The following ITPKB variants were observed in gnomAD, a reference collection of about 807,000 sequenced individuals.
ITPKB encodes the protein IP3 3-kinase B.
A neutral mutation model predicts 69.4 loss-of-function variants in ITPKB; 13 were observed. The ratio of observed to expected loss-of-function variants is 0.19; its 90% CI spans 0.12 to 0.30. The LOEUF (loss-of-function observed/expected upper bound fraction) is 0.30. ITPKB is among the 10% of genes least tolerant of loss of function. The pLI is 1.00. For synonymous variants in ITPKB, 584 were observed against 513.7 expected (o/e 1.14, Z -1.85); for missense variants, 1,240 against 1,250.5 (o/e 0.99, Z 0.13).
chr1:226,648,489 C>A (rs4653762), intron 3 of ITPKB, among the ~76,000 whole-genome samples, 183 bp downstream of exon 3: 71,097 of 152,074 alleles, frequency 0.47, 16,993 homozygotes, highest in East Asian at 0.76. Flanking sequence ...CAGAGAGGTC[C>A]GTTGTCTATG....
chr1:226,711,428 AGAGAGAGAGAGAGAGT>A (rs941784015), intron 2 of ITPKB, among the ~76,000 whole-genome samples: 23 of 126,894 alleles, frequency 1.8e-4, no homozygotes, highest in African/African-American at 5.8e-4. Context: ...AGAGAGAGAG[AGAGAGAGAGAGAGAGT>A]GTGTGTGTGT....
At chr1:226,653,788 T>A (rs950440484) in intron 2 of ITPKB, among the ~76,000 whole-genome samples, 3 of 152,070 alleles carry the variant, frequency 2.0e-5, no homozygotes, top group Non-Finnish European at 4.4e-5. Context: ...AGGCATGAGG[T>A]CTTTCAGGTA....
chr1:226,738,920 C>T lies in ITPKB; in HGVS notation c.-206+121G>A, dbSNP rs1657906628. On this transcript the variant is annotated intron_variant, in intron 1 of 7. Transcript: ENST00000429204. The surrounding 1 kb of genome is among the most constrained non-coding windows in gnomAD (Gnocchi z 4.2). Reference sequence around the variant, plus strand: ...CAAAATCAAACCCCCTTCCCTGCCTCCCCAGCCCACCCCTTTGCCCTGTTT... The same window carrying T: ...CAAAATCAAACCCCCTTCCCTGCCTTCCCAGCCCACCCCTTTGCCCTGTTT... 6.6e-6 allele frequency: 1 copy of T among 152,386 alleles called. No homozygotes were observed. Among genetic ancestry groups the T allele is most frequent in the Non-Finnish European group, 1.5e-5 (1 of 68,146 alleles). 9.4% of individuals were successfully genotyped at this position (152,386 alleles called of 1,614,324 possible).
chr1:226,735,821 C>G lies in ITPKB; in HGVS notation c.1638G>C (p.Glu546Asp). 1 of 1,608,830 alleles carries G rather than the reference C, an allele frequency of 6.2e-7. No individual in the cohort carries two copies. The highest frequency in any genetic ancestry group is 8.5e-7 in the Non-Finnish European group (1 of 1,175,860). Residue 546 changes from glutamate (E) to aspartate (D), a missense_variant, in exon 2 of 8, where the codon GAG becomes GAC. Glu to Asp is a conservative substitution (Grantham distance 45). Transcript: ENST00000429204. ...GCTTGTCCGGATCTTGGGGTAGCAG[C>G]TCCGGACTTGGGAGGGCATCACTGT... ...RQDSDALPSPELLPQDPDKPF... is the reference protein window; with the variant it reads ...RQDSDALPSPDLLPQDPDKPF...
At chr1:226,718,849 A>T (rs1010557377) in intron 2 of ITPKB, among the ~76,000 whole-genome samples, 1 of 152,270 alleles carries the variant, frequency 6.6e-6, no homozygotes, top group African/African-American at 2.4e-5. Context: ...TGTACGACCC[A>T]GCAACTGCAC....
intron 2 of ITPKB, among the ~76,000 whole-genome samples, chr1:226,649,364 GTGTGCATGTGAT>G (rs910583397): frequency 5.7e-5 from 5 of 88,058 alleles, no homozygotes; most frequent in African/African-American, 1.5e-4. Context: ...ATATGTGCAT[GTGTGCATGTGAT>G]TGTGTGCATG....
At chr1:226,684,449 T>C (rs1656155832) in intron 2 of ITPKB, among the ~76,000 whole-genome samples, 1 of 152,220 alleles carries the variant, frequency 6.6e-6, no homozygotes, top group Non-Finnish European at 1.5e-5. Context: ...AGCCATTCTT[T>C]CAATGAGCAT....
chr1:226,696,334 T>C (rs1269731589), intron 2 of ITPKB, among the ~76,000 whole-genome samples: 1 of 152,138 alleles, frequency 6.6e-6, no homozygotes, highest in East Asian at 1.9e-4. Context: ...TGTGTGTGTG[T>C]GTGTGTATAT....
chr1:226,702,952 C>A (rs1002389616), intron 2 of ITPKB, among the ~76,000 whole-genome samples: 8 of 152,120 alleles, frequency 5.3e-5, no homozygotes, highest in African/African-American at 1.9e-4. Context: ...CTGACCCTAT[C>A]GAGGGAAAAT....
chr1:226,723,064 G>A (rs1657293480), intron 2 of ITPKB, among the ~76,000 whole-genome samples: 1 of 152,116 alleles, frequency 6.6e-6, no homozygotes, highest in African/African-American at 2.4e-5. Flanking sequence ...GCCAGTCCGT[G>A]CTGCTCAGAT....
chr1:226,703,771 C>G (rs1261454759), intron 2 of ITPKB, among the ~76,000 whole-genome samples: 1 of 152,350 alleles, frequency 6.6e-6, no homozygotes, highest in African/African-American at 2.4e-5. Flanking sequence ...AAAAGAATCT[C>G]AGCGCTGCTG....
At chr1:226,711,401 TTGAA>T (rs1438751501) in intron 2 of ITPKB, among the ~76,000 whole-genome samples, 1 of 135,904 alleles carries the variant, frequency 7.4e-6, no homozygotes, top group Non-Finnish European at 1.6e-5. Flanking sequence ...AGAGGGTGTT[TTGAA>T]AGAGAGAGAG....
At chr1:226,684,203 G>C (rs1437656879) in intron 2 of ITPKB, among the ~76,000 whole-genome samples, 1 of 152,218 alleles carries the variant, frequency 6.6e-6, no homozygotes, top group African/African-American at 2.4e-5. Context: ...AATGGCACCA[G>C]TCCAGGTGTT....
intron 2 of ITPKB, among the ~76,000 whole-genome samples, chr1:226,655,866 G>T (rs115939432): frequency 9.5e-4 from 144 of 152,294 alleles, no homozygotes; most frequent in African/African-American, 3.4e-3. Flanking sequence ...TATGTCGTGA[G>T]GACTGCAGGT....
chr1:226,668,890 C>G (rs913184109), intron 2 of ITPKB: 6 of 152,202 alleles, frequency 3.9e-5, no homozygotes, highest in Admixed American at 3.9e-4. Context: ...ATTACTGCTA[C>G]AGACCACTAT....
chr1:226,638,183 G>C (rs76591303), intron 6 of ITPKB, among the ~76,000 whole-genome samples: 3,563 of 152,290 alleles, frequency 0.023, 157 homozygotes, highest in African/African-American at 0.082. Flanking sequence ...CAGCCCCCTG[G>C]AGTCTTCAGC....
intron 2 of ITPKB, among the ~76,000 whole-genome samples, chr1:226,654,717 C>T (rs60070519): frequency 0.016 from 2,506 of 152,286 alleles, 77 homozygotes; most frequent in African/African-American, 0.057. Flanking sequence ...CCAACCCTCC[C>T]GTGATGCTAA....
intron 2 of ITPKB, among the ~76,000 whole-genome samples, chr1:226,733,401 T>C (rs1657651647): frequency 6.6e-6 from 1 of 152,184 alleles, no homozygotes; most frequent in African/African-American, 2.4e-5. Context: ...CTATTGCAGG[T>C]AATCAAGTGA....
intron 2 of ITPKB, among the ~76,000 whole-genome samples, chr1:226,719,711 A>G (rs547628306): frequency 6.6e-6 from 1 of 152,372 alleles, no homozygotes; most frequent in South Asian, 2.1e-4. Flanking sequence ...GTGCAGCTCC[A>G]GGCTGCCTGG....
Sources: gnomAD v4.1 joint callset for allele counts (sites outside exome capture counted in the v4.1 genomes callset) on GRCh38, gnomAD v4.1.1 for gene constraint, Gnocchi (gnomAD v3.1) non-coding constraint, MANE v1.5 for transcripts, NCBI Gene and HGNC (gene_info 2026-07-23, HGNC 2026-07-21) for gene names.